The following RORA variants were observed in gnomAD, a reference collection of about 807,000 sequenced individuals.
The protein encoded by RORA is RAR related orphan receptor A.
RORA carries 7 observed loss-of-function variants against 69.5 expected under a neutral mutation model. That is an observed-to-expected ratio of 0.10 (90% CI 0.06 to 0.19). RORA has a LOEUF of 0.19. Ranked by LOEUF, RORA falls within the 10% of genes least tolerant of loss-of-function variation. RORA has a pLI of 1.00. For missense variants in RORA, 457 were observed against 663.0 expected (o/e 0.69, Z 3.41); for synonymous variants, 261 against 240.8 (o/e 1.08, Z -0.78).
intron 2 of RORA, among the ~76,000 whole-genome samples, chr15:60,638,953 T>A (rs915195463): frequency 4.6e-5 from 7 of 152,186 alleles, no homozygotes; most frequent in Non-Finnish European, 2.9e-5. Flanking sequence ...CATTAGTAGA[T>A]AATTCTCTCT....
At chr15:60,665,788 C>T (rs2070369939) in intron 2 of RORA, among the ~76,000 whole-genome samples, 1 of 152,076 alleles carries the variant, frequency 6.6e-6, no homozygotes, top group African/African-American at 2.4e-5. Flanking sequence ...AATTCTCGTG[C>T]CTCAGCCTCC....
At chr15:61,157,449 A>G (rs1235680969) in intron 1 of RORA, among the ~76,000 whole-genome samples, 2 of 152,230 alleles carry the variant, frequency 1.3e-5, no homozygotes, top group Admixed American at 1.3e-4. Flanking sequence ...GATATAGTGA[A>G]TATGAAACTA....
At chr15:60,792,526 G>T (rs1449958173) in intron 1 of RORA, among the ~76,000 whole-genome samples, 1 of 152,120 alleles carries the variant, frequency 6.6e-6, no homozygotes, top group Non-Finnish European at 1.5e-5. Flanking sequence ...ATTTTCTGAA[G>T]TCGAAAGATA....
At chr15:60,587,566 A>G (rs2068371507) in intron 2 of RORA, among the ~76,000 whole-genome samples, 1 of 152,196 alleles carries the variant, frequency 6.6e-6, no homozygotes, top group Non-Finnish European at 1.5e-5. Flanking sequence ...TGGGACTATC[A>G]GTGACTCTCT....
At chr15:60,869,193 A>G (rs1270344696) in intron 1 of RORA, among the ~76,000 whole-genome samples, 2 of 152,014 alleles carry the variant, frequency 1.3e-5, no homozygotes, top group East Asian at 3.9e-4. Context: ...CAAGGTAACC[A>G]TTTTTTCCCA....
At chr15:60,636,697 T>A (rs2069846608) in intron 2 of RORA, among the ~76,000 whole-genome samples, 1 of 152,108 alleles carries the variant, frequency 6.6e-6, no homozygotes, top group African/African-American at 2.4e-5. Flanking sequence ...TAGAAAGAAG[T>A]TAAAAGAAGC....
intron 1 of RORA, among the ~76,000 whole-genome samples, chr15:60,760,516 A>G (rs751248241): frequency 3.3e-5 from 5 of 152,216 alleles, no homozygotes; most frequent in Non-Finnish European, 7.3e-5. Context: ...TTACCCTGAC[A>G]TAAGGGAGCT....
rs191525201 is a variant in RORA at position 61,101,518 on chromosome 15, G to A, written c.166+127535C>T. Among the ~76,000 whole-genome samples, 352 of 152,226 alleles carry A rather than the reference G, an allele frequency of 2.3e-3. 1 individual carries two copies. The highest frequency in any genetic ancestry group is 8.0e-3 in the African/African-American group (333 of 41,542). ...AGATCAGTATGGCTAGAATTCAGCA[G>A]CAGGAAGGGTAAACTGGAATGATCC... On this transcript the variant is annotated intron_variant, in intron 1 of 10. Coordinates refer to ENST00000335670, the MANE Select transcript of RORA (RefSeq NM_134261.3).
rs117404844 is a variant in RORA at position 60,582,338 on chromosome 15, C to G, written c.197-50487G>C. Reference sequence around the variant, plus strand: ...GTAGGAGGCATTTGTTTGCCTCTCCCAAGTCTCAAACAAGAAACTAGAGCA... The same window carrying G: ...GTAGGAGGCATTTGTTTGCCTCTCCGAAGTCTCAAACAAGAAACTAGAGCA... On this transcript the variant is annotated intron_variant, in intron 2 of 10. Transcript: ENST00000335670. 6.0e-3 allele frequency among the ~76,000 whole-genome samples: 910 copies of G among 152,192 alleles called. 11 individuals carry two copies. The highest frequency in any genetic ancestry group is 6.8e-3 in the Middle Eastern group (2 of 294).
chr15:60,924,480 A>G (rs1892149518), intron 1 of RORA, among the ~76,000 whole-genome samples: 2 of 151,716 alleles, frequency 1.3e-5, no homozygotes, highest in African/African-American at 4.8e-5. Context: ...TCATATATTT[A>G]TAAGTGAATA....
At chr15:60,763,715 C>T (rs1595695583) in intron 1 of RORA, among the ~76,000 whole-genome samples, 3 of 152,202 alleles carry the variant, frequency 2.0e-5, no homozygotes, top group South Asian at 2.1e-4. Flanking sequence ...CCATAGACTA[C>T]GCTGACTGGC....
At chr15:60,707,232 C>G (rs186928236) in intron 1 of RORA, among the ~76,000 whole-genome samples, 511 of 152,164 alleles carry the variant, frequency 3.4e-3, no homozygotes, top group Non-Finnish European at 5.8e-3. Flanking sequence ...GAAATCTCAC[C>G]CAGTCCCCTG....
intron 2 of RORA, among the ~76,000 whole-genome samples, chr15:60,536,728 G>T (rs1050879687): frequency 6.6e-6 from 1 of 152,232 alleles, no homozygotes. Context: ...GCCAGGAAAC[G>T]GCCAATGGCC....
At chr15:60,994,363 C>T (rs1033357781) in intron 1 of RORA, among the ~76,000 whole-genome samples, 3 of 152,220 alleles carry the variant, frequency 2.0e-5, no homozygotes, top group African/African-American at 7.2e-5. Context: ...AAATATTCTG[C>T]TACCGATTTT....
At chr15:60,722,569 T>C (rs544379820) in intron 1 of RORA, among the ~76,000 whole-genome samples, 1 of 152,336 alleles carries the variant, frequency 6.6e-6, no homozygotes, top group South Asian at 2.1e-4. Context: ...GAAAGCTGTC[T>C]TTCAGAACAA....
intron 2 of RORA, among the ~76,000 whole-genome samples, chr15:60,533,623 G>A (rs949753387): frequency 1.3e-5 from 2 of 152,162 alleles, no homozygotes; most frequent in Admixed American, 6.5e-5. Context: ...TTTCAGAGAC[G>A]TGGAAAAGCC....
chr15:60,693,809 G>A (rs1357367760), intron 1 of RORA, among the ~76,000 whole-genome samples: 1 of 152,076 alleles, frequency 6.6e-6, no homozygotes, highest in Non-Finnish European at 1.5e-5. Context: ...CAAACAAATG[G>A]AGAAACATTC....
At chr15:60,716,084 T>G (rs528247714) in intron 1 of RORA, among the ~76,000 whole-genome samples, 5 of 152,316 alleles carry the variant, frequency 3.3e-5, no homozygotes, top group South Asian at 2.1e-4. Context: ...TTATTAAATA[T>G]GCTAATTCTG....
At chr15:61,013,877 G>C (rs1595878064) in intron 1 of RORA, among the ~76,000 whole-genome samples, 1 of 149,042 alleles carries the variant, frequency 6.7e-6, no homozygotes, top group African/African-American at 2.5e-5. Flanking sequence ...TCTGCCTCCC[G>C]GGTTCACGCC....
Sources: allele counts gnomAD v4.1 joint callset (sites outside exome capture counted in the v4.1 genomes callset), GRCh38; gene constraint gnomAD v4.1.1; transcripts MANE v1.5; gene names NCBI Gene and HGNC (gene_info 2026-07-23, HGNC 2026-07-21).